ZNF710: variants seen among roughly 807,000 people sequenced by gnomAD.
ZNF710 encodes the protein zinc finger protein 710.
Under a neutral mutation model 50.6 loss-of-function variants are expected in ZNF710, and 13 were observed. The observed-to-expected ratio is 0.26, with a 90% CI of 0.17 to 0.41. The LOEUF (loss-of-function observed/expected upper bound fraction) is 0.41, where lower values mean the gene tolerates loss of function less well. ZNF710 is among the 10% of genes least tolerant of loss of function. The pLI, the probability that ZNF710 is intolerant of heterozygous loss-of-function variation, is 1.00. For synonymous variants in ZNF710, 383 were observed against 397.0 expected (o/e 0.96, Z 0.42); for missense variants, 721 against 936.6 (o/e 0.77, Z 3.01).
At chr15:90,016,150 T>A (rs2151469152) in intron 1 of ZNF710, among the ~76,000 whole-genome samples, 1 of 152,218 alleles carries the variant, frequency 6.6e-6, no homozygotes, top group African/African-American at 2.4e-5. Context: ...TACTACCTAA[T>A]AATTTTTTTT....
At position 90,059,957 on chromosome 15, in the gene ZNF710, G is replaced by A. The variant is rs1009799254; in HGVS notation, c.-28-7153G>A. Among the ~76,000 whole-genome samples, 10 of 152,264 alleles carry A rather than the reference G, an allele frequency of 6.6e-5. No homozygotes were observed. Among genetic ancestry groups the A allele is most frequent in the Non-Finnish European group, 1.0e-4 (7 of 68,020 alleles). Reference sequence around the variant, plus strand: ...TCAGCCTCTCCAGCCCCAGGGCCCTGGACTCCAAGGGGCAAAAGGCCCAGA... The same window carrying A: ...TCAGCCTCTCCAGCCCCAGGGCCCTAGACTCCAAGGGGCAAAAGGCCCAGA... On this transcript the variant is annotated intron_variant, in intron 1 of 4. Transcript: ENST00000268154. This position sits in a 1 kb window ranked among gnomAD's most constrained non-coding sequence, Gnocchi z 4.1.
intron 1 of ZNF710, among the ~76,000 whole-genome samples, chr15:90,011,334 C>T (rs1408371920): frequency 6.6e-6 from 1 of 152,238 alleles, no homozygotes; most frequent in Admixed American, 6.5e-5. Context: ...GTCTCGAACT[C>T]CTGGCCTCAA....
intron 1 of ZNF710, among the ~76,000 whole-genome samples, chr15:90,003,023 G>A (rs113454828): frequency 9.2e-5 from 14 of 152,308 alleles, no homozygotes; most frequent in African/African-American, 3.4e-4. Context: ...ACAGGCGCAC[G>A]CCACCACGCC....
At chr15:90,011,721 G>A (rs1898309434) in intron 1 of ZNF710, among the ~76,000 whole-genome samples, 1 of 151,894 alleles carries the variant, frequency 6.6e-6, no homozygotes, top group Non-Finnish European at 1.5e-5. Flanking sequence ...GTGTCCGTTT[G>A]GCTGAAATCT....
intron 1 of ZNF710, among the ~76,000 whole-genome samples, chr15:90,066,675 A>T (rs1053832103): frequency 6.6e-6 from 1 of 152,050 alleles, no homozygotes; most frequent in African/African-American, 2.4e-5. Flanking sequence ...GGATTTCACC[A>T]TGTTGGCCAG....
intron 1 of ZNF710, among the ~76,000 whole-genome samples, chr15:90,049,897 C>T (rs1356678562): frequency 1.3e-5 from 2 of 152,228 alleles, no homozygotes; most frequent in Non-Finnish European, 2.9e-5. Context: ...CTCCGCAGCT[C>T]AACTGCAGGG....
rs966933966 is a variant in ZNF710, at chr15:90,034,830, T to G, written c.-28-32280T>G. On this transcript the variant is annotated intron_variant, in intron 1 of 4. Coordinates refer to ENST00000268154, the MANE Select transcript of ZNF710 (RefSeq NM_198526.4). This position sits in a 1 kb window ranked among gnomAD's most constrained non-coding sequence, Gnocchi z 4.0. ...GGCGCCTGTTGGGGACTTAGACCTC[T>G]TCCACATCGCCCCAAGGTCGGGCTG... Among the ~76,000 whole-genome samples the G allele has an allele frequency of 6.6e-6, 1 of 152,212 alleles. No homozygotes were observed. Among genetic ancestry groups the G allele is most frequent in the Non-Finnish European group, 1.5e-5 (1 of 68,040 alleles).
chr15:90,026,619 A>G (rs1199258817), intron 1 of ZNF710, among the ~76,000 whole-genome samples: 1 of 152,180 alleles, frequency 6.6e-6, no homozygotes, highest in African/African-American at 2.4e-5. Context: ...CAAAGAGACT[A>G]TTTTGAAGCA....
chr15:90,017,923 C>G (rs1898498927), intron 1 of ZNF710, among the ~76,000 whole-genome samples: 1 of 152,010 alleles, frequency 6.6e-6, no homozygotes, highest in Non-Finnish European at 1.5e-5. Context: ...TAATTAAGGC[C>G]ATGCCCTATG....
At chr15:89,998,773 T>C (rs1897963407), upstream of ZNF710, among the ~76,000 whole-genome samples, 1 of 152,144 alleles carries the variant, frequency 6.6e-6, no homozygotes, top group Non-Finnish European at 1.5e-5. Flanking sequence ...GTTAGAGAGG[T>C]TGACTTGCCC....
chr15:90,061,986 A>G (rs1382254641), intron 1 of ZNF710, among the ~76,000 whole-genome samples: 9 of 151,980 alleles, frequency 5.9e-5, no homozygotes, highest in Admixed American at 5.9e-4. Flanking sequence ...TGGCCCCCAG[A>G]CGATGAGTCT....
intron 1 of ZNF710, among the ~76,000 whole-genome samples, chr15:90,039,173 G>C (rs565668195): frequency 1.2e-4 from 18 of 152,240 alleles, no homozygotes; most frequent in African/African-American, 4.3e-4. Flanking sequence ...CAGCTACTCG[G>C]GAGGCTGAGG....
At chr15:90,008,441 C>CGTATATATATAT (rs1220498890) in intron 1 of ZNF710, among the ~76,000 whole-genome samples, 2 of 126,508 alleles carry the variant, frequency 1.6e-5, no homozygotes, top group African/African-American at 7.6e-5. Flanking sequence ...TATATATATA[C>CGTATATATATAT]ATATATATAT....
At chr15:90,017,723 A>G (rs1295982093) in intron 1 of ZNF710, among the ~76,000 whole-genome samples, 1 of 151,936 alleles carries the variant, frequency 6.6e-6, no homozygotes, top group South Asian at 2.1e-4. Context: ...TCCCCTGGAA[A>G]GTTTATACTC....
chr15:90,079,626 G>A (rs1030173149), intron 4 of ZNF710, 34 bp from the exon 5 acceptor site: 11 of 1,598,940 alleles, frequency 6.9e-6, no homozygotes, highest in African/African-American at 1.4e-5. Flanking sequence ...CCCGAGAGAT[G>A]GCAGCCAGGT....
chr15:90,075,088 C>T (rs1900548204), intron 4 of ZNF710: 1 of 155,722 alleles, frequency 6.4e-6, no homozygotes, highest in Non-Finnish European at 1.4e-5. Context: ...GTGGTCAGTA[C>T]TTAAAGCATT....
chr15:90,017,732 T>A (rs1399817532), intron 1 of ZNF710, among the ~76,000 whole-genome samples: 2 of 151,974 alleles, frequency 1.3e-5, no homozygotes, highest in Non-Finnish European at 2.9e-5. Flanking sequence ...AAGTTTATAC[T>A]CATCAGTGCC....
rs1900706859 is a variant in ZNF710 at position 90,080,919 on chromosome 15, T to C, written c.*1090T>C. 1 of 152,224 alleles carries C rather than the reference T, an allele frequency of 6.6e-6. No individual in the cohort carries two copies. The highest frequency in any genetic ancestry group is 2.1e-4 in the South Asian group (1 of 4,836). 9.4% of individuals were successfully genotyped at this position (152,224 alleles called of 1,614,324 possible). On this transcript the variant is annotated 3_prime_UTR_variant, in exon 5 of 5. Coordinates refer to ENST00000268154, the MANE Select transcript of ZNF710 (RefSeq NM_198526.4). ...CACCTATGACCTTTTCTGATGGAGATGCATTTTCTTTTTCCAAGCGTAAGC... is the reference window on the plus strand; with the variant it reads ...CACCTATGACCTTTTCTGATGGAGACGCATTTTCTTTTTCCAAGCGTAAGC...
At position 90,034,428 on chromosome 15, in the gene ZNF710, C is replaced by CTGTGTGTGTGTGTGTGTGTGTGTG. The variant is rs398028304; in HGVS notation, c.-28-32658_-28-32635dup. On this transcript the variant is annotated intron_variant, in intron 1 of 4. Coordinates refer to ENST00000268154, the MANE Select transcript of ZNF710 (RefSeq NM_198526.4). This position sits in a 1 kb window ranked among gnomAD's most constrained non-coding sequence, Gnocchi z 4.0. ...AGCTGTCCTTCCTGTTTCCAAATTC[C>CTGTGTGTGTGTGTGTGTGTGTGTG]TGTGTGTGTGTGTGTGTGTGTGTGT... Among the ~76,000 whole-genome samples, 1 of 136,196 alleles carries CTGTGTGTGTGTGTGTGTGTGTGTG rather than the reference C, an allele frequency of 7.3e-6. No homozygotes were observed. The highest frequency in any genetic ancestry group is 1.6e-5 in the Non-Finnish European group (1 of 62,214). The allele number at this position is 136,196 out of a possible 152,430, so 89.3% of individuals were successfully genotyped here.
Sources: gnomAD v4.1 joint callset for allele counts (sites outside exome capture counted in the v4.1 genomes callset) on GRCh38, gnomAD v4.1.1 for gene constraint, Gnocchi (gnomAD v3.1) non-coding constraint, MANE v1.5 for transcripts, NCBI Gene and HGNC (gene_info 2026-07-23, HGNC 2026-07-21) for gene names.